The following VWA8 variants were observed in gnomAD, a reference collection of about 807,000 sequenced individuals.
VWA8 encodes the protein von Willebrand factor A domain-containing protein 8.
A neutral mutation model predicts 241.5 loss-of-function variants in VWA8; 221 were observed. The ratio of observed to expected loss-of-function variants is 0.91; its 90% CI spans 0.82 to 1.02. The LOEUF is 1.02. Among genes scored for constraint, VWA8 ranks in the 50% least tolerant of loss-of-function variants. VWA8 has a pLI of 0.00. For synonymous variants in VWA8, 852 were observed against 827.1 expected, an observed-to-expected ratio of 1.03 and a Z score of -0.52; for missense variants, 2,322 against 2,328.7, an observed-to-expected ratio of 1.00 and a Z score of 0.06.
rs1870653894 is a variant in VWA8 at position 41,815,548 on chromosome 13, T to TC, written c.1947+1149dup. 3.3e-5 allele frequency among the ~76,000 whole-genome samples: 5 copies of TC among 152,040 alleles called. No individual in the cohort carries two copies. The South Asian group carries it at 1.0e-3, about 32-fold the overall frequency. The stretch of plus-strand genomic sequence containing the variant: ...ATGAAGGCAGGATTGATATGGTGAG[T>TC]CCACTAGTCAAGGAATGCTGGCAGC... On this transcript the variant is annotated intron_variant, in intron 16 of 44. Coordinates refer to ENST00000379310, the MANE Select transcript of VWA8 (RefSeq NM_015058.2).
At chr13:41,806,857 A>G (rs1473432388) in intron 17 of VWA8, among the ~76,000 whole-genome samples, 2 of 151,710 alleles carry the variant, frequency 1.3e-5, no homozygotes, top group African/African-American at 4.8e-5. Context: ...CAGTCTGGCA[A>G]CAGAGTGAGA....
intron 20 of VWA8, among the ~76,000 whole-genome samples, chr13:41,768,962 A>T (rs1415443069): frequency 6.8e-6 from 1 of 146,024 alleles, no homozygotes; most frequent in Admixed American, 7.0e-5. Flanking sequence ...GGAGTTAGTG[A>T]CCTAATCTTG....
At chr13:41,766,982 T>A (rs985803965) in intron 20 of VWA8, among the ~76,000 whole-genome samples, 1 of 152,204 alleles carries the variant, frequency 6.6e-6, no homozygotes, top group Non-Finnish European at 1.5e-5. Flanking sequence ...CAAATCCAGA[T>A]CTTTTCTTCA....
chr13:41,568,250 T>G lies in VWA8; in HGVS notation c.5665A>C (p.Ile1889Leu). The G allele has an allele frequency of 1.9e-6, 3 of 1,614,142 alleles. No individual in the cohort carries two copies. Among genetic ancestry groups the G allele is most frequent in the Non-Finnish European group, 2.5e-6 (3 of 1,180,018 alleles). ...RSFVAMDTKD[I>L]PQILQQIFTS... ...AAGATCTGTTGTAAAATCTGAGGGA[T>G]ATCCTTGGTATCCATGGCAACGAAA... The change falls in exon 45 of 45, where the codon ATC becomes CTC. Residue 1889 changes from isoleucine to leucine, a missense_variant. By Grantham distance (5) the Ile-to-Leu change is conservative. Transcript: ENST00000379310.
intron 34 of VWA8, among the ~76,000 whole-genome samples, chr13:41,686,982 T>C (rs2045140880): frequency 6.6e-6 from 1 of 152,170 alleles, no homozygotes; most frequent in Middle Eastern, 3.2e-3. Context: ...CTTACCTTGC[T>C]TGGGCTCTGA....
At chr13:41,935,577 A>G (rs1389804011) in intron 2 of VWA8, among the ~76,000 whole-genome samples, 1 of 152,074 alleles carries the variant, frequency 6.6e-6, no homozygotes, top group East Asian at 1.9e-4. Flanking sequence ...GTACATACTT[A>G]CTATAATTTT....
At chr13:41,760,126 G>GGAACTCTGGTAGTTGTTCAGCTCAAA (rs2045728998) in intron 21 of VWA8, among the ~76,000 whole-genome samples, 2 of 151,642 alleles carry the variant, frequency 1.3e-5, no homozygotes, top group Non-Finnish European at 3.0e-5. Flanking sequence ...ATTTAATGAA[G>GGAACTCTGGTAGTTGTTCAGCTCAAA]GAACTCTGGT....
chr13:41,809,851 T>C (rs1870386424), intron 17 of VWA8, among the ~76,000 whole-genome samples: 1 of 152,062 alleles, frequency 6.6e-6, no homozygotes, highest in Non-Finnish European at 1.5e-5. Flanking sequence ...TTGCAAATCA[T>C]CCATCTGACA....
chr13:41,701,921 A>G (rs2045252800), intron 27 of VWA8, among the ~76,000 whole-genome samples: 1 of 152,244 alleles, frequency 6.6e-6, no homozygotes, highest in Non-Finnish European at 1.5e-5. Context: ...ATGCATTTCC[A>G]TTGTGAAGAA....
intron 12 of VWA8, among the ~76,000 whole-genome samples, chr13:41,850,912 C>T (rs1872505498): frequency 6.6e-6 from 1 of 152,126 alleles, no homozygotes; most frequent in South Asian, 2.1e-4. Flanking sequence ...CTTAAAGGAA[C>T]AGTGAGCTAA....
At chr13:41,807,878 A>C (rs886583721) in intron 17 of VWA8, 1 of 152,200 alleles carries the variant, frequency 6.6e-6, no homozygotes, top group Admixed American at 6.5e-5. Flanking sequence ...AGGTCAGAAA[A>C]AGAGCCAGTC....
chr13:41,949,902 G>A (rs767746815), intron 2 of VWA8, 34 bp downstream of exon 2: 6 of 1,278,080 alleles, frequency 4.7e-6, no homozygotes, highest in Non-Finnish European at 6.5e-6. Context: ...AAAGTTAAAA[G>A]TTATTCATTC....
chr13:41,802,280 A>G (rs1160603379), intron 17 of VWA8, among the ~76,000 whole-genome samples: 1 of 152,004 alleles, frequency 6.6e-6, no homozygotes, highest in Non-Finnish European at 1.5e-5. Flanking sequence ...CACAGTGGAG[A>G]GCAACAGGGT....
intron 29 of VWA8, among the ~76,000 whole-genome samples, chr13:41,697,388 C>T (rs2045222043): frequency 3.3e-5 from 5 of 152,180 alleles, no homozygotes; most frequent in Admixed American, 3.3e-4. Flanking sequence ...CTAATGTCTT[C>T]CCCTTTTACT....
intron 42 of VWA8, among the ~76,000 whole-genome samples, chr13:41,582,155 CT>C (rs1439575499): frequency 6.6e-6 from 1 of 152,156 alleles, no homozygotes; most frequent in African/African-American, 2.4e-5. Flanking sequence ...TTATGAGAAA[CT>C]TTAAACACTC....
chr13:41,672,064 G>C (rs2045029415), intron 36 of VWA8, among the ~76,000 whole-genome samples: 1 of 152,136 alleles, frequency 6.6e-6, no homozygotes, highest in Non-Finnish European at 1.5e-5. Context: ...CAGGAAGAAA[G>C]GAACCCTATA....
At chr13:41,821,580 C>G (rs910835812) in intron 14 of VWA8, among the ~76,000 whole-genome samples, 1 of 151,654 alleles carries the variant, frequency 6.6e-6, no homozygotes, top group African/African-American at 2.4e-5. Context: ...GAGATAAGTG[C>G]CATTAAAATT....
rs17062442 is a variant in VWA8, at chr13:41,614,494, G to A, written c.4720+482C>T. On this transcript the variant is annotated intron_variant, in intron 38 of 44. Transcript: ENST00000379310. Reference sequence around the variant, plus strand: ...TATCTCGAAATCTTGCATCCTCAACGTACTTCGAAGATGTGGAAGACAAGG... The same window carrying A: ...TATCTCGAAATCTTGCATCCTCAACATACTTCGAAGATGTGGAAGACAAGG... Among the ~76,000 whole-genome samples, 525 of 152,290 alleles carry A rather than the reference G, an allele frequency of 3.4e-3. 1 individual carries two copies. Among genetic ancestry groups the A allele is most frequent in the South Asian group, 0.015 (71 of 4,830 alleles).
intron 26 of VWA8, among the ~76,000 whole-genome samples, chr13:41,709,713 G>A (rs981041427): frequency 4.0e-5 from 6 of 151,162 alleles, no homozygotes. Context: ...CTGAGTCTTG[G>A]TTCCCTCTTG....
Sources: gnomAD v4.1 joint callset for allele counts (sites outside exome capture counted in the v4.1 genomes callset) on GRCh38, gnomAD v4.1.1 for gene constraint, MANE v1.5 for transcripts, NCBI Gene and HGNC (gene_info 2026-07-23, HGNC 2026-07-21) for gene names.